The following PCDHGA11 variants were observed in gnomAD, a reference collection of about 807,000 sequenced individuals.
The protein encoded by PCDHGA11 is protocadherin gamma-A11.
PCDHGA11 carries 39 observed loss-of-function variants against 60.4 expected under a neutral mutation model. That is an observed-to-expected ratio of 0.65 (90% CI 0.50 to 0.84). The LOEUF is 0.84. Among genes scored for constraint, PCDHGA11 ranks in the 40% least tolerant of loss-of-function variants. The probability of loss-of-function intolerance (pLI) is 0.00; values close to 1 mark genes in which losing one functional copy is unlikely to be tolerated. For synonymous variants in PCDHGA11, 533 were observed against 510.3 expected, an observed-to-expected ratio of 1.04 and a Z score of -0.60; for missense variants, 1,165 against 1,197.7, an observed-to-expected ratio of 0.97 and a Z score of 0.40.
At chr5:141,478,442 C>G (rs1245219009) in intron 1 of PCDHGA11, 1 of 1,613,608 alleles carries the variant, frequency 6.2e-7, no homozygotes, top group Non-Finnish European at 8.5e-7. Flanking sequence ...GCTGAAGAAA[C>G]CTGGTGCAGC....
intron 1 of PCDHGA11, among the ~76,000 whole-genome samples, chr5:141,433,974 C>A (rs1045247496): frequency 6.6e-6 from 1 of 152,026 alleles, no homozygotes; most frequent in Non-Finnish European, 1.5e-5. Context: ...GGCTTTCTAC[C>A]TTGAAGAAGA....
In PCDHGA11 at chr5:141,490,670, C is replaced by A. The variant is rs1003577285; in HGVS notation, c.2434-4137C>A. ...CCGGGCTCCCTTCTTTGCACTGTGG[C>A]TGCCTCAGATCCAGACACTGGGGAT... On this transcript the variant is annotated intron_variant, in intron 1 of 3. Coordinates refer to ENST00000398587, the MANE Select transcript of PCDHGA11 (RefSeq NM_018914.3). This position sits in a 1 kb window ranked among gnomAD's most constrained non-coding sequence, Gnocchi z 5.4. 4 of 1,614,194 alleles carry A rather than the reference C, an allele frequency of 2.5e-6. No homozygotes were observed. The highest frequency in any genetic ancestry group is 3.4e-6 in the Non-Finnish European group (4 of 1,179,986).
At chr5:141,459,302 A>T (rs1401348885) in intron 1 of PCDHGA11, among the ~76,000 whole-genome samples, 1 of 152,210 alleles carries the variant, frequency 6.6e-6, no homozygotes, top group African/African-American at 2.4e-5. Flanking sequence ...CCTATAACAT[A>T]TACTATTTTG....
At chr5:141,427,825 C>T (rs1342117815) in intron 1 of PCDHGA11, 2 of 1,536,464 alleles carry the variant, frequency 1.3e-6, no homozygotes, top group Non-Finnish European at 1.8e-6. Flanking sequence ...GTGGTGGTCG[C>T]GCAGCGTGCC....
intron 1 of PCDHGA11, among the ~76,000 whole-genome samples, chr5:141,494,135 GTCAC>G (rs1365926534): frequency 3.3e-5 from 5 of 152,202 alleles, no homozygotes; most frequent in Admixed American, 6.5e-5. Flanking sequence ...CTTCTCCTTA[GTCAC>G]AGACCATTGT....
intron 1 of PCDHGA11, among the ~76,000 whole-genome samples, chr5:141,438,702 C>A (rs1217378337): frequency 5.7e-5 from 8 of 140,876 alleles, no homozygotes; most frequent in Non-Finnish European, 4.6e-5. Flanking sequence ...GCTCTGTCAC[C>A]CAGGCTGGAG....
rs771252840 is a variant in PCDHGA11 at position 141,423,202 on chromosome 5, G to A, written c.1975G>A (p.Val659Ile). 4.2e-5 allele frequency: 67 copies of A among 1,613,500 alleles called. No individual in the cohort carries two copies. Among genetic ancestry groups the A allele is most frequent in the Non-Finnish European group, 5.5e-5 (65 of 1,179,992 alleles). ...CGGCCAGCCCCCTCTCTCGGCCACC[G>A]TCACGCTCACCGTGGCTGTGGCCGA... ...DHGQPPLSATVTLTVAVADSI... is the reference protein window; with the variant it reads ...DHGQPPLSATITLTVAVADSI... The change falls in exon 1 of 4, where the codon GTC becomes ATC. Residue 659 changes from valine to isoleucine, a missense_variant. Transcript: ENST00000398587.
intron 1 of PCDHGA11, chr5:141,441,792 G>T: frequency 2.6e-6 from 1 of 389,292 alleles, no homozygotes; most frequent in Non-Finnish European, 5.1e-6. Context: ...GAATGACAAC[G>T]CACCGCGGGT....
chr5:141,442,343 G>C (rs1300318674), intron 1 of PCDHGA11: 1 of 152,336 alleles, frequency 6.6e-6, no homozygotes, highest in Non-Finnish European at 1.5e-5. Flanking sequence ...CAGGTTTCTG[G>C]GTAACTGTAG....
chr5:141,422,138 T>G lies in PCDHGA11; in HGVS notation c.911T>G (p.Val304Gly), dbSNP rs1201680879. The change falls in exon 1 of 4, where the codon GTA (valine) becomes GGA (glycine). Residue 304 changes from valine to glycine, a missense_variant. Transcript: ENST00000398587. ...GATTCACAAACTGGAGAAGTTCAAGTACGGGGGTCTCTGGATTTTGAAAAA... is the reference window on the plus strand; with the variant it reads ...GATTCACAAACTGGAGAAGTTCAAGGACGGGGGTCTCTGGATTTTGAAAAA... Reference protein sequence around the residue: ...QLDSQTGEVQVRGSLDFEKYR... With the variant: ...QLDSQTGEVQGRGSLDFEKYR... The G allele has an allele frequency of 6.3e-7, 1 of 1,587,640 alleles. No individual in the cohort carries two copies. The highest frequency in any genetic ancestry group is 1.9e-5 in the Admixed American group (1 of 52,758).
At chr5:141,442,689 G>A (rs966261716) in intron 1 of PCDHGA11, among the ~76,000 whole-genome samples, 1 of 152,238 alleles carries the variant, frequency 6.6e-6, no homozygotes, top group South Asian at 2.1e-4. Context: ...CAGTAGTCAG[G>A]CAGACAAGAG....
chr5:141,432,271 C>T lies in PCDHGA11; in HGVS notation c.2433+8611C>T. On this transcript the variant is annotated intron_variant, in intron 1 of 3. Transcript: ENST00000398587. The surrounding 1 kb of genome is among the most constrained non-coding windows in gnomAD (Gnocchi z 6.0). ...TCCAAGGGGCAAGCCTATCGTCCTA[C>T]GTGTCCATCAACTCCGACACTGGGG... is the stretch of plus-strand genomic sequence containing the variant. The T allele has an allele frequency of 6.2e-7, 1 of 1,614,264 alleles. No individual in the cohort carries two copies. Among genetic ancestry groups the T allele is most frequent in the Non-Finnish European group, 8.5e-7 (1 of 1,180,050 alleles).
intron 1 of PCDHGA11, among the ~76,000 whole-genome samples, chr5:141,459,937 G>A (rs904431112): frequency 6.6e-6 from 1 of 152,132 alleles, no homozygotes; most frequent in Non-Finnish European, 1.5e-5. Flanking sequence ...TTGTAGCTGG[G>A]CGTGATGGCA....
chr5:141,430,594 C>T, intron 1 of PCDHGA11: 3 of 563,604 alleles, frequency 5.3e-6, no homozygotes, highest in Non-Finnish European at 5.7e-6. Flanking sequence ...GCCTTGCACG[C>T]GCCTGAAGCA....
chr5:141,478,038 G>A lies in PCDHGA11; in HGVS notation c.2434-16769G>A, dbSNP rs1401384720. ...CCAGTCCAAGACACAGATTCACCCA[G>A]GCAGACTCTCACGGTCTTGATCAAA... On this transcript the variant is annotated intron_variant, in intron 1 of 3. Transcript: ENST00000398587. 8 of 1,614,006 alleles carry A rather than the reference G, an allele frequency of 5.0e-6. No homozygotes were observed. In the African/African-American group the frequency reaches 1.1e-4, roughly 22 times the overall value.
At position 141,486,254 on chromosome 5, in the gene PCDHGA11, G is replaced by A. The variant is rs2099626723; in HGVS notation, c.2434-8553G>A. ...GACCTCAGAGCTTGGAACCCTCCCCGAGAGTGCAGAACCTGGCACTGTGGT... is the reference window on the plus strand; with the variant it reads ...GACCTCAGAGCTTGGAACCCTCCCCAAGAGTGCAGAACCTGGCACTGTGGT... On this transcript the variant is annotated intron_variant, in intron 1 of 3. Transcript: ENST00000398587. This position sits in a 1 kb window ranked among gnomAD's most constrained non-coding sequence, Gnocchi z 5.0. The A allele has an allele frequency of 1.2e-6, 2 of 1,613,992 alleles. No individual in the cohort carries two copies. Among genetic ancestry groups the A allele is most frequent in the Non-Finnish European group, 1.7e-6 (2 of 1,179,982 alleles).
Position 141,431,548 on chromosome 5 carries a change from A to G in PCDHGA11, c.2433+7888A>G, listed in dbSNP as rs1357844542. 2 of 1,614,136 alleles carry G rather than the reference A, an allele frequency of 1.2e-6. No individual in the cohort carries two copies. Among genetic ancestry groups the G allele is most frequent in the Admixed American group, 1.7e-5 (1 of 60,030 alleles). On this transcript the variant is annotated intron_variant, in intron 1 of 3. Coordinates refer to ENST00000398587, the MANE Select transcript of PCDHGA11 (RefSeq NM_018914.3). This position sits in a 1 kb window ranked among gnomAD's most constrained non-coding sequence, Gnocchi z 4.8. ...TGGCCTTGGGCACGCAGCTGCTTGT[A>G]GTCAACGCTACCGACCCTGACGAAG... is the stretch of plus-strand genomic sequence containing the variant.
chr5:141,433,168 T>A, intron 1 of PCDHGA11: 6 of 1,613,438 alleles, frequency 3.7e-6, no homozygotes, highest in Non-Finnish European at 3.4e-6. Context: ...CTAAAGACAG[T>A]CATGGGTTAA....
chr5:141,490,482 G>A lies in PCDHGA11; in HGVS notation c.2434-4325G>A. On this transcript the variant is annotated intron_variant, in intron 1 of 3. Coordinates refer to ENST00000398587, the MANE Select transcript of PCDHGA11 (RefSeq NM_018914.3). The surrounding 1 kb of genome is among the most constrained non-coding windows in gnomAD (Gnocchi z 5.4). ...TGCTAACCAGCCAGCCTTTGGACCG[G>A]GAGGCCACATCCCACTATATCATCG... 2.5e-6 allele frequency: 4 copies of A among 1,614,154 alleles called. No homozygotes were observed. In the South Asian group the frequency reaches 4.4e-5, roughly 18 times the overall value.
Sources: allele counts gnomAD v4.1 joint callset (sites outside exome capture counted in the v4.1 genomes callset), GRCh38; gene constraint gnomAD v4.1.1; non-coding constraint Gnocchi (gnomAD v3.1); transcripts MANE v1.5; gene names NCBI Gene and HGNC (gene_info 2026-07-23, HGNC 2026-07-21).